TDRD3: variants seen among roughly 807,000 people sequenced by gnomAD.
TDRD3 encodes the protein tudor domain-containing protein 3.
TDRD3 carries 45 observed loss-of-function variants against 86.7 expected under a neutral mutation model. The observed-to-expected ratio is 0.52, with a 90% CI of 0.41 to 0.67. The LOEUF is 0.67. Ranked by LOEUF, TDRD3 falls within the 30% of genes least tolerant of loss-of-function variation. The pLI is 0.00. For missense variants in TDRD3, 814 were observed against 889.0 expected (o/e 0.92, Z 1.07); for synonymous variants, 298 against 301.7 (o/e 0.99, Z 0.13).
intron 13 of TDRD3, among the ~76,000 whole-genome samples, chr13:60,571,065 G>A (rs1002519144): frequency 3.3e-5 from 5 of 152,092 alleles, no homozygotes; most frequent in Non-Finnish European, 7.4e-5. Flanking sequence ...AATATATGAT[G>A]CAGATATTTT....
At chr13:60,431,576 A>G (rs1331161582) in intron 1 of TDRD3, among the ~76,000 whole-genome samples, 1 of 151,684 alleles carries the variant, frequency 6.6e-6, no homozygotes, top group Non-Finnish European at 1.5e-5. Flanking sequence ...GGCATTTCAT[A>G]TTGTTTTGCA....
intron 12 of TDRD3, among the ~76,000 whole-genome samples, chr13:60,543,569 A>G (rs1178339517): frequency 1.3e-5 from 2 of 152,102 alleles, no homozygotes; most frequent in Non-Finnish European, 2.9e-5. Flanking sequence ...ATTTGTTTTT[A>G]TCTTTCTAGT....
chr13:60,415,199 C>A (rs1362554256), intron 1 of TDRD3, among the ~76,000 whole-genome samples: 1 of 151,948 alleles, frequency 6.6e-6, no homozygotes. Flanking sequence ...CTAATGAGAT[C>A]CTGTTTTACA....
chr13:60,514,865 G>C (rs919014670), intron 10 of TDRD3, among the ~76,000 whole-genome samples: 2 of 152,184 alleles, frequency 1.3e-5, no homozygotes, highest in African/African-American at 4.8e-5. Context: ...AGGAAAATAG[G>C]GTAAGATGGG....
chr13:60,448,494 C>T (rs576231751), intron 3 of TDRD3, among the ~76,000 whole-genome samples: 17 of 152,226 alleles, frequency 1.1e-4, no homozygotes, highest in African/African-American at 3.9e-4. Flanking sequence ...CTTTTCTCCA[C>T]AAAGTTTCCC....
At chr13:60,489,081 T>C (rs769150369) in intron 7 of TDRD3, among the ~76,000 whole-genome samples, 3 of 152,170 alleles carry the variant, frequency 2.0e-5, no homozygotes, top group Non-Finnish European at 2.9e-5. Context: ...TGTCTATTTT[T>C]ACTTGTGTGC....
intron 7 of TDRD3, among the ~76,000 whole-genome samples, 198 bp downstream of exon 7, chr13:60,486,146 G>C (rs1258248084): frequency 6.6e-6 from 1 of 152,022 alleles, no homozygotes; most frequent in African/African-American, 2.4e-5. Flanking sequence ...TCTTTTTCCA[G>C]ATCTCCATGG....
intron 3 of TDRD3, among the ~76,000 whole-genome samples, chr13:60,457,889 C>T (rs1420340699): frequency 6.6e-6 from 1 of 152,172 alleles, no homozygotes; most frequent in Non-Finnish European, 1.5e-5. Flanking sequence ...TTCCCCTTCT[C>T]TTCTAAGGAC....
At chr13:60,408,389 A>G (rs1224491959) in intron 1 of TDRD3, among the ~76,000 whole-genome samples, 1 of 152,224 alleles carries the variant, frequency 6.6e-6, no homozygotes, top group African/African-American at 2.4e-5. Flanking sequence ...GAACTGGGTA[A>G]CAGGCAGAGG....
intron 12 of TDRD3, among the ~76,000 whole-genome samples, chr13:60,542,133 A>G (rs951339227): frequency 1.3e-5 from 2 of 152,146 alleles, no homozygotes; most frequent in African/African-American, 2.4e-5. Context: ...ATGGTTCAGT[A>G]GTCCTAAAAC....
In TDRD3 at chr13:60,433,349, T is replaced by C. The variant is rs1043685628; in HGVS notation, c.42-6339T>C. On this transcript the variant is annotated intron_variant, in intron 1 of 13. Transcript: ENST00000377881. ...GTCTGAAGTAAGCATGGGTTCTTTATATGTCCAGTTTGTAAAATATTTATG... is the reference window on the plus strand; with the variant it reads ...GTCTGAAGTAAGCATGGGTTCTTTACATGTCCAGTTTGTAAAATATTTATG... 5.9e-5 allele frequency among the ~76,000 whole-genome samples: 9 copies of C among 152,228 alleles called. 1 individual carries two copies. The highest frequency in any genetic ancestry group is 1.3e-4 in the Non-Finnish European group (9 of 68,034).
intron 12 of TDRD3, among the ~76,000 whole-genome samples, chr13:60,559,574 A>T (rs1287155352): frequency 6.6e-6 from 1 of 152,226 alleles, no homozygotes; most frequent in Admixed American, 6.5e-5. Context: ...GGCTGAAGCC[A>T]TCCGTTTAGT....
chr13:60,552,226 T>C (rs1167059759), intron 12 of TDRD3, among the ~76,000 whole-genome samples: 1 of 152,212 alleles, frequency 6.6e-6, no homozygotes, highest in East Asian at 1.9e-4. Flanking sequence ...TTTCAAGATA[T>C]AATGGAGGTA....
At chr13:60,502,084 C>T (rs1956847147) in intron 8 of TDRD3, among the ~76,000 whole-genome samples, 2 of 152,164 alleles carry the variant, frequency 1.3e-5, no homozygotes, top group Admixed American at 1.3e-4. Context: ...TAAAATTTTA[C>T]TTGCTAAGAT....
At chr13:60,572,695 T>TA (rs1383260127) in intron 13 of TDRD3, among the ~76,000 whole-genome samples, 19 of 152,368 alleles carry the variant, frequency 1.2e-4, no homozygotes, top group Admixed American at 6.5e-5. Context: ...TTTCACGTGT[T>TA]AGTCAGAAAC....
chr13:60,504,537 T>C (rs1194719156), intron 8 of TDRD3, among the ~76,000 whole-genome samples: 2 of 152,226 alleles, frequency 1.3e-5, no homozygotes, highest in African/African-American at 4.8e-5. Context: ...GACACTTGCA[T>C]TTTACCATCC....
At chr13:60,542,120 C>T in intron 12 of TDRD3, among the ~76,000 whole-genome samples, 1 of 152,060 alleles carries the variant, frequency 6.6e-6, no homozygotes, top group East Asian at 1.9e-4. Context: ...CCCTTTGATA[C>T]TTATGGTTCA....
chr13:60,463,682 T>G (rs1378871799), intron 4 of TDRD3, among the ~76,000 whole-genome samples: 2 of 151,560 alleles, frequency 1.3e-5, no homozygotes, highest in Non-Finnish European at 2.9e-5. Context: ...AAACAAAAAA[T>G]CCAATTAAAA....
intron 5 of TDRD3, among the ~76,000 whole-genome samples, chr13:60,480,019 T>C (rs1368330567): frequency 6.6e-6 from 1 of 152,190 alleles, no homozygotes; most frequent in South Asian, 2.1e-4. Context: ...TATTGATATG[T>C]TAGGGTTTGA....
Sources: gnomAD v4.1 joint callset for allele counts (sites outside exome capture counted in the v4.1 genomes callset) on GRCh38, gnomAD v4.1.1 for gene constraint, MANE v1.5 for transcripts, NCBI Gene and HGNC (gene_info 2026-07-23, HGNC 2026-07-21) for gene names.